PTPRD: variants seen among roughly 807,000 people sequenced by gnomAD.
PTPRD encodes protein tyrosine phosphatase receptor type D, also known as receptor-type tyrosine-protein phosphatase delta.
In PTPRD, 34 loss-of-function variants were observed where a neutral mutation model predicts 214.5. That is an observed-to-expected ratio of 0.16 (90% CI 0.12 to 0.21). The LOEUF (loss-of-function observed/expected upper bound fraction) is 0.21. Ranked by LOEUF, PTPRD falls within the 10% of genes least tolerant of loss-of-function variation. The pLI is 1.00. For missense variants in PTPRD, 2,545 were observed against 2,398.7 expected (o/e 1.06, Z -1.27); for synonymous variants, 1,128 against 845.7 (o/e 1.33, Z -5.79).
At chr9:9,724,634 T>A (rs753009893) in intron 7 of PTPRD, among the ~76,000 whole-genome samples, 1 of 152,188 alleles carries the variant, frequency 6.6e-6, no homozygotes, top group Non-Finnish European at 1.5e-5. Context: ...TCTGATCCAG[T>A]TGAAGAAAGC....
chr9:9,930,534 C>T (rs10978100), intron 5 of PTPRD, among the ~76,000 whole-genome samples: 24,404 of 151,974 alleles, frequency 0.16, 5,026 homozygotes, highest in African/African-American at 0.48. Flanking sequence ...GGATAAAGAA[C>T]TGCAGAAAAA....
rs2136992003 is a variant in PTPRD, at chr9:8,501,023, C to G, written c.1859G>C (p.Ser620Thr). The G allele has an allele frequency of 6.2e-7, 1 of 1,613,680 alleles. No homozygotes were observed. Among genetic ancestry groups the G allele is most frequent in the East Asian group, 2.2e-5 (1 of 44,860 alleles). Reference protein sequence around the residue: ...SAPPQDISCTSPSSTSILVSW... With the variant: ...SAPPQDISCTTPSSTSILVSW... The stretch of plus-strand genomic sequence containing the variant: ...TACCAAAATACTAGTGGAACTTGGG[C>G]TGGTGCAACTAATGTCTTGAGGAGG... Residue 620 changes from serine (S) to threonine (T), a missense_variant, in exon 24 of 46, where the codon AGC (serine) becomes ACC (threonine). Transcript: ENST00000381196.
intron 12 of PTPRD, among the ~76,000 whole-genome samples, chr9:8,640,448 T>C (rs1034882915): frequency 6.6e-6 from 1 of 151,960 alleles, no homozygotes; most frequent in African/African-American, 2.4e-5. Flanking sequence ...AATTAACCTA[T>C]TGAACTGTGG....
At chr9:9,949,938 A>G (rs949444291) in intron 4 of PTPRD, among the ~76,000 whole-genome samples, 2 of 152,114 alleles carry the variant, frequency 1.3e-5, no homozygotes, top group Non-Finnish European at 2.9e-5. Flanking sequence ...GGGTCAATAA[A>G]TTTCCATTTT....
intron 5 of PTPRD, among the ~76,000 whole-genome samples, chr9:9,788,123 C>T (rs1324629384): frequency 2.0e-5 from 3 of 151,616 alleles, no homozygotes; most frequent in Non-Finnish European, 4.4e-5. Context: ...TTGGGAAATA[C>T]AAATAAATCA....
At chr9:9,787,062 G>A (rs1281818198) in intron 5 of PTPRD, among the ~76,000 whole-genome samples, 3 of 151,856 alleles carry the variant, frequency 2.0e-5, no homozygotes, top group East Asian at 1.9e-4. Flanking sequence ...GCTTGAACCC[G>A]GGCAGCGGAG....
At chr9:10,600,426 A>G (rs1348919577) in intron 2 of PTPRD, among the ~76,000 whole-genome samples, 7 of 151,762 alleles carry the variant, frequency 4.6e-5, no homozygotes, top group African/African-American at 1.7e-4. Context: ...AAGATTGATG[A>G]GAGTAACTCT....
rs573394879 is a variant in PTPRD, at chr9:9,161,581, C to T, written c.-143+21723G>A. 6.6e-5 allele frequency among the ~76,000 whole-genome samples: 10 copies of T among 151,998 alleles called. No homozygotes were observed. In the East Asian group the frequency reaches 1.9e-3, roughly 29 times the overall value. On this transcript the variant is annotated intron_variant, in intron 10 of 45. Coordinates refer to ENST00000381196, the MANE Select transcript of PTPRD (RefSeq NM_002839.4). ...TGTAACAAAATTCAAGAAGTGAAAA[C>T]TACAAAATAAAATACAATCCTGGGG... is the stretch of plus-strand genomic sequence containing the variant.
intron 11 of PTPRD, among the ~76,000 whole-genome samples, chr9:8,919,731 GCA>G (rs754208012): frequency 1.3e-5 from 2 of 151,250 alleles, no homozygotes; most frequent in African/African-American, 2.4e-5. Context: ...ACGCATGCAT[GCA>G]CACACATACA....
chr9:8,484,686 G>T (rs1483185499), intron 29 of PTPRD, among the ~76,000 whole-genome samples: 1 of 134,724 alleles, frequency 7.4e-6, no homozygotes, highest in Non-Finnish European at 1.6e-5. Flanking sequence ...AATGGAATAT[G>T]TGCAGAAAAG....
intron 14 of PTPRD, among the ~76,000 whole-genome samples, chr9:8,601,373 C>T (rs1177898322): frequency 6.6e-6 from 1 of 152,148 alleles, no homozygotes; most frequent in East Asian, 1.9e-4. Context: ...CTGTAGAGCC[C>T]TATGGCCTTG....
At chr9:8,589,445 T>C (rs1443779090) in intron 14 of PTPRD, among the ~76,000 whole-genome samples, 2 of 152,224 alleles carry the variant, frequency 1.3e-5, no homozygotes, top group East Asian at 3.8e-4. Context: ...TGATTCTTTA[T>C]AAATGTATTC....
chr9:8,507,493 T>C, intron 21 of PTPRD, 59 bp from the exon 22 acceptor site: 2 of 1,605,552 alleles, frequency 1.2e-6, no homozygotes, highest in Non-Finnish European at 1.7e-6. Flanking sequence ...CACAAAGTTC[T>C]TCCATTAGCG....
chr9:8,811,952 G>C (rs1358278882), intron 11 of PTPRD, among the ~76,000 whole-genome samples: 1 of 149,748 alleles, frequency 6.7e-6, no homozygotes, highest in Non-Finnish European at 1.5e-5. Flanking sequence ...GATCTGCACA[G>C]GGAAGCTTCG....
intron 18 of PTPRD, 112 bp from the exon 19 acceptor site, chr9:8,523,636 G>A: frequency 8.8e-7 from 1 of 1,139,548 alleles, no homozygotes; most frequent in Non-Finnish European, 1.3e-6. Flanking sequence ...ACTGCTACTT[G>A]AACATCTTTA....
chr9:9,578,588 A>C (rs996363727), intron 7 of PTPRD, among the ~76,000 whole-genome samples: 1 of 152,134 alleles, frequency 6.6e-6, no homozygotes, highest in African/African-American at 2.4e-5. Context: ...AATGATTGGG[A>C]ATAATTTTAA....
At chr9:9,822,579 T>G (rs1294461838) in intron 5 of PTPRD, among the ~76,000 whole-genome samples, 2 of 150,154 alleles carry the variant, frequency 1.3e-5, no homozygotes, top group African/African-American at 4.9e-5. Flanking sequence ...CCATTTATTT[T>G]TTTCCTTTCT....
intron 2 of PTPRD, among the ~76,000 whole-genome samples, chr9:10,447,579 G>A (rs1443957167): frequency 6.6e-6 from 1 of 151,842 alleles, no homozygotes; most frequent in African/African-American, 2.4e-5. Flanking sequence ...TTAGAGCATT[G>A]AAAAACAATA....
intron 5 of PTPRD, among the ~76,000 whole-genome samples, chr9:9,921,847 C>T (rs1358124292): frequency 6.6e-6 from 1 of 151,630 alleles, no homozygotes; most frequent in Admixed American, 6.6e-5. Context: ...CATTTAGCAA[C>T]CATAACATTC....
Sources: gnomAD v4.1 joint callset for allele counts (sites outside exome capture counted in the v4.1 genomes callset) on GRCh38, gnomAD v4.1.1 for gene constraint, MANE v1.5 for transcripts, NCBI Gene and HGNC (gene_info 2026-07-23, HGNC 2026-07-21) for gene names.